The following SLC38A11 variants were observed in gnomAD, a reference collection of about 807,000 sequenced individuals.
The protein encoded by SLC38A11 is solute carrier family 38 member 11.
Under a neutral mutation model 49.4 loss-of-function variants are expected in SLC38A11, and 51 were observed. That is an observed-to-expected ratio of 1.03 (90% confidence interval 0.83 to 1.30). The LOEUF (loss-of-function observed/expected upper bound fraction) is 1.30, where lower values mean the gene tolerates loss of function less well. Among genes scored for constraint, SLC38A11 ranks in the 50% most tolerant of loss-of-function variants. The pLI, the probability that SLC38A11 is intolerant of heterozygous loss-of-function variation, is 0.00. For missense variants in SLC38A11, 574 were observed against 556.2 expected (o/e 1.03, Z -0.32); for synonymous variants, 203 against 192.9 (o/e 1.05, Z -0.43).
At chr2:164,912,937 A>G (rs901057748) in intron 9 of SLC38A11, among the ~76,000 whole-genome samples, 1 of 152,068 alleles carries the variant, frequency 6.6e-6, no homozygotes, top group Admixed American at 6.6e-5. Flanking sequence ...GAAACAGAGT[A>G]CTTGGGCTTG....
chr2:164,941,897 T>A (rs777714573), intron 5 of SLC38A11, among the ~76,000 whole-genome samples: 2 of 152,048 alleles, frequency 1.3e-5, no homozygotes, highest in Non-Finnish European at 2.9e-5. Context: ...ATATTATTCT[T>A]ACGAATATCT....
intron 7 of SLC38A11, among the ~76,000 whole-genome samples, chr2:164,923,202 A>G (rs1686333940): frequency 6.6e-6 from 1 of 152,212 alleles, no homozygotes; most frequent in Non-Finnish European, 1.5e-5. Flanking sequence ...AGCAATCACA[A>G]CAAAAACAAA....
At chr2:164,909,945 A>T (rs1009793245) in intron 10 of SLC38A11, among the ~76,000 whole-genome samples, 2 of 152,136 alleles carry the variant, frequency 1.3e-5, no homozygotes, top group Non-Finnish European at 2.9e-5. Context: ...CTTATTTAAG[A>T]TCCATTCTTA....
chr2:164,939,309 C>G, intron 6 of SLC38A11, 141 bp downstream of exon 6: 1 of 482,646 alleles, frequency 2.1e-6, no homozygotes. Flanking sequence ...ATGATTCAAA[C>G]ACAGTTCACT....
chr2:164,898,734 C>A lies in SLC38A11; in HGVS notation c.1096-4G>T. The A allele has an allele frequency of 3.8e-6, 6 of 1,597,574 alleles. No homozygotes were observed. Among genetic ancestry groups the A allele is most frequent in the Non-Finnish European group, 5.1e-6 (6 of 1,169,898 alleles). On this transcript the variant is annotated splice_region_variant and splice_polypyrimidine_tract_variant and intron_variant, in intron 11 of 11. Transcript: ENST00000685975. ...GGGGAGTTGCACAGAGCACACCCTGCATGTTGAAAACAAGAAACAAGATAA... is the reference window on the plus strand; with the variant it reads ...GGGGAGTTGCACAGAGCACACCCTGAATGTTGAAAACAAGAAACAAGATAA...
intron 5 of SLC38A11, among the ~76,000 whole-genome samples, chr2:164,943,947 C>T (rs917163124): frequency 6.6e-6 from 1 of 152,196 alleles, no homozygotes; most frequent in Non-Finnish European, 1.5e-5. Context: ...GCCTCCACCT[C>T]CTGGGCTTAA....
chr2:164,940,750 G>GTA (rs370904715), intron 5 of SLC38A11, among the ~76,000 whole-genome samples: 12,736 of 149,668 alleles, frequency 0.085, 600 homozygotes, highest in Admixed American at 0.11. Context: ...TGTATATGAT[G>GTA]TATATATATA....
intron 7 of SLC38A11, among the ~76,000 whole-genome samples, chr2:164,934,070 A>G (rs1038616539): frequency 1.3e-5 from 2 of 152,046 alleles, no homozygotes; most frequent in Non-Finnish European, 2.9e-5. Context: ...CATAAAAATC[A>G]TTTCATTGAG....
chr2:164,940,892 A>G (rs983017821), intron 5 of SLC38A11, among the ~76,000 whole-genome samples: 2 of 151,988 alleles, frequency 1.3e-5, no homozygotes, highest in African/African-American at 4.8e-5. Context: ...AAAACAGGAA[A>G]ATCAATTCCA....
chr2:164,921,376 C>A (rs1158799068), intron 7 of SLC38A11, among the ~76,000 whole-genome samples: 1 of 152,104 alleles, frequency 6.6e-6, no homozygotes, highest in African/African-American at 2.4e-5. Context: ...TAACCCCAGG[C>A]AGTGGTGTGA....
chr2:164,954,935 T>G (rs1232266378), intron 1 of SLC38A11, among the ~76,000 whole-genome samples, 190 bp from the exon 2 acceptor site: 3 of 151,904 alleles, frequency 2.0e-5, no homozygotes, highest in Non-Finnish European at 4.4e-5. Context: ...CAGAGCTTGG[T>G]AAGCAAACTC....
chr2:164,933,504 T>C (rs1237636412), intron 7 of SLC38A11, among the ~76,000 whole-genome samples: 2 of 152,018 alleles, frequency 1.3e-5, no homozygotes, highest in Non-Finnish European at 2.9e-5. Flanking sequence ...GAAAAGGAAA[T>C]TGAATTGTAT....
Position 164,908,698 on chromosome 2 carries a change from G to C in SLC38A11, c.1037C>G (p.Thr346Ser). 6.2e-7 allele frequency: 1 copy of C among 1,611,388 alleles called. No individual in the cohort carries two copies. Among genetic ancestry groups the C allele is most frequent in the South Asian group, 1.1e-5 (1 of 90,578 alleles). Residue 346 changes from threonine (T) to serine (S), a missense_variant, in exon 11 of 12, where the codon ACT becomes AGT. Transcript: ENST00000685975. ...CAGCAATGACACAAGCGTGGCTACA[G>C]TGATGACCATCACTGTTACAACAAT... ...FHIVVTVMVI[T>S]VATLVSLLID...
intron 5 of SLC38A11, among the ~76,000 whole-genome samples, chr2:164,940,147 GAGA>G (rs988156196): frequency 6.7e-6 from 1 of 150,146 alleles, no homozygotes; most frequent in Non-Finnish European, 1.5e-5. Flanking sequence ...ATATTGGATA[GAGA>G]AGAAGTCACA....
At chr2:164,909,322 T>A (rs2105453683) in intron 10 of SLC38A11, among the ~76,000 whole-genome samples, 1 of 152,172 alleles carries the variant, frequency 6.6e-6, no homozygotes, top group Non-Finnish European at 1.5e-5. Context: ...TCATGACTAC[T>A]CAGATCAGGA....
In SLC38A11 at chr2:164,944,602, T is replaced by G; in HGVS notation, c.397A>C (p.Thr133Pro). 1.5e-6 allele frequency: 2 copies of G among 1,342,124 alleles called. No homozygotes were observed. Among genetic ancestry groups the G allele is most frequent in the Non-Finnish European group, 1.9e-6 (2 of 1,034,488 alleles). 83.1% of individuals were successfully genotyped at this position (1,342,124 alleles called of 1,614,324 possible). Residue 133 changes from threonine to proline, a missense_variant, in exon 5 of 12, where the codon ACT becomes CCT. Transcript: ENST00000685975. ...MISYNIIAGDTLSKVFQRIPG... is the reference protein window; with the variant it reads ...MISYNIIAGDPLSKVFQRIPG... ...ATTCTTTGAAAAACTTTGCTCAAAG[T>G]ATCTCCAGCTATTATATTGTAACTT... is the stretch of plus-strand genomic sequence containing the variant.
intron 4 of SLC38A11, among the ~76,000 whole-genome samples, chr2:164,945,298 G>A (rs1354431238): frequency 1.4e-5 from 2 of 143,000 alleles, no homozygotes; most frequent in African/African-American, 5.1e-5. Context: ...TAAGAAATGT[G>A]TTATTTCTCT....
chr2:164,935,982 A>G (rs547456794), intron 7 of SLC38A11, among the ~76,000 whole-genome samples: 2 of 152,184 alleles, frequency 1.3e-5, no homozygotes, highest in Non-Finnish European at 2.9e-5. Context: ...CCCTCACCAG[A>G]ACCCTATCAT....
chr2:164,899,057 T>C (rs992798095), intron 11 of SLC38A11, among the ~76,000 whole-genome samples: 6 of 152,112 alleles, frequency 3.9e-5, no homozygotes, highest in Admixed American at 6.6e-5. Context: ...GTATTTTCAG[T>C]TCATCATATT....
Sources: gnomAD v4.1 joint callset for allele counts (sites outside exome capture counted in the v4.1 genomes callset) on GRCh38, gnomAD v4.1.1 for gene constraint, MANE v1.5 for transcripts, NCBI Gene and HGNC (gene_info 2026-07-23, HGNC 2026-07-21) for gene names.